The following LAMA1 variants were observed in gnomAD, a reference collection of about 807,000 sequenced individuals.
The protein encoded by LAMA1 is laminin subunit alpha 1.
In LAMA1, 219 loss-of-function variants were observed where a neutral mutation model predicts 348.7. The ratio of observed to expected loss-of-function variants is 0.63; its 90% confidence interval spans 0.56 to 0.70. LAMA1 has a LOEUF of 0.70. Among genes scored for constraint, LAMA1 ranks in the 30% least tolerant of loss-of-function variants. LAMA1 has a pLI of 0.00. For missense variants in LAMA1, 3,744 were observed against 3,888.0 expected (o/e 0.96, Z 0.99); for synonymous variants, 1,487 against 1,491.0 (o/e 1.00, Z 0.06).
chr18:6,984,213 C>T (rs1175613455), intron 39 of LAMA1, among the ~76,000 whole-genome samples: 3 of 152,104 alleles, frequency 2.0e-5, no homozygotes, highest in Admixed American at 1.3e-4. Flanking sequence ...ATAATTTATG[C>T]AATATTCTAT....
chr18:7,104,702 A>G (rs1010886713), intron 1 of LAMA1, among the ~76,000 whole-genome samples: 4 of 152,242 alleles, frequency 2.6e-5, no homozygotes, highest in African/African-American at 9.6e-5. Flanking sequence ...TTCAACAGGG[A>G]TGGCATGACA....
chr18:7,097,277 A>AT (rs1419111151), intron 1 of LAMA1, among the ~76,000 whole-genome samples: 3 of 150,884 alleles, frequency 2.0e-5, no homozygotes, highest in Admixed American at 1.3e-4. Context: ...GAACAAAAAA[A>AT]ATAATAAAAA....
rs187058971 is a variant in LAMA1, at chr18:6,994,300, T to C, written c.4897-548A>G. ...ACTACACAAGACGAGAGCCAGGAAGTCAGCAGCCCAGAGGCTGACACTTAG... is the reference window on the plus strand; with the variant it reads ...ACTACACAAGACGAGAGCCAGGAAGCCAGCAGCCCAGAGGCTGACACTTAG... On this transcript the variant is annotated intron_variant, in intron 34 of 62. Coordinates refer to ENST00000389658, the MANE Select transcript of LAMA1 (RefSeq NM_005559.4). 2.5e-3 allele frequency among the ~76,000 whole-genome samples: 374 copies of C among 152,280 alleles called. 8 individuals are homozygous for C. Among genetic ancestry groups the C allele is most frequent in the South Asian group, 0.018 (89 of 4,822 alleles).
chr18:6,957,727 C>T (rs1009035712), intron 55 of LAMA1, among the ~76,000 whole-genome samples: 5 of 152,170 alleles, frequency 3.3e-5, no homozygotes, highest in African/African-American at 1.2e-4. Flanking sequence ...TGCTCATGGG[C>T]ACATGTCAGT....
At position 6,945,760 on chromosome 18, in the gene LAMA1, G is replaced by A. The variant is rs543021400; in HGVS notation, c.8844+1403C>T. On this transcript the variant is annotated intron_variant, in intron 61 of 62. Transcript: ENST00000389658. ...AGGATGAGAAGCCTGAGCTGAAATG[G>A]ACGCTGGCCAAACTCTCCAGGAGCA... 2.0e-5 allele frequency among the ~76,000 whole-genome samples: 3 copies of A among 152,158 alleles called. No individual in the cohort carries two copies. In the South Asian group the frequency reaches 6.2e-4, roughly 32 times the overall value.
chr18:6,970,802 G>A (rs1217705735), intron 48 of LAMA1, among the ~76,000 whole-genome samples: 6 of 151,980 alleles, frequency 3.9e-5, no homozygotes, highest in South Asian at 2.1e-4. Flanking sequence ...TAATAGAGAC[G>A]GAGTTTCACC....
intron 57 of LAMA1, among the ~76,000 whole-genome samples, chr18:6,952,641 AATAATAC>A (rs1313585319): frequency 6.6e-6 from 1 of 152,236 alleles, no homozygotes; most frequent in African/African-American, 2.4e-5. Context: ...TCTGGAAATA[AATAATAC>A]ATAAGTTTTA....
chr18:7,113,814 C>A (rs898933848), intron 1 of LAMA1, among the ~76,000 whole-genome samples: 1 of 152,118 alleles, frequency 6.6e-6, no homozygotes, highest in Non-Finnish European at 1.5e-5. Context: ...CAGTGGCTCA[C>A]TCCTGTAATA....
intron 3 of LAMA1, among the ~76,000 whole-genome samples, chr18:7,059,306 T>C (rs947348223): frequency 1.2e-4 from 19 of 152,186 alleles, no homozygotes; most frequent in African/African-American, 4.3e-4. Flanking sequence ...TGAACACAAA[T>C]TGATGATGCA....
chr18:7,080,591 A>G (rs2058189441), intron 1 of LAMA1, 134 bp from the exon 2 acceptor site: 2 of 909,006 alleles, frequency 2.2e-6, no homozygotes. Flanking sequence ...TTACACAAAC[A>G]CCGTATACGC....
At chr18:6,979,767 C>A (rs561376009) in intron 42 of LAMA1, among the ~76,000 whole-genome samples, 27 of 151,822 alleles carry the variant, frequency 1.8e-4, no homozygotes, top group Non-Finnish European at 3.1e-4. Context: ...GGGACGGTGG[C>A]GGGCGCCTGT....
At chr18:7,011,006 G>A (rs1011170711) in intron 25 of LAMA1, among the ~76,000 whole-genome samples, 1 of 152,174 alleles carries the variant, frequency 6.6e-6, no homozygotes, top group Non-Finnish European at 1.5e-5. Flanking sequence ...CCCCTAGAAT[G>A]TCTCTCCATT....
chr18:6,955,738 A>G lies in LAMA1; in HGVS notation c.8095-273T>C. 3 of 532,224 alleles carry G rather than the reference A, an allele frequency of 5.6e-6. 1 individual carries two copies. Among genetic ancestry groups the G allele is most frequent in the South Asian group, 5.5e-5 (3 of 54,948 alleles). The allele number at this position is 532,224 out of a possible 1,614,324, so 33.0% of individuals were successfully genotyped here. On this transcript the variant is annotated intron_variant, in intron 56 of 62. Coordinates refer to ENST00000389658, the MANE Select transcript of LAMA1 (RefSeq NM_005559.4). ...AAGGACACTGAAGTCTCTCCTACAA[A>G]TTTTCATCAGGCTTAAGGGGCAAAG...
chr18:7,083,416 C>T (rs1004099909), intron 1 of LAMA1, among the ~76,000 whole-genome samples: 1 of 151,824 alleles, frequency 6.6e-6, no homozygotes, highest in African/African-American at 2.4e-5. Context: ...GATCTTCTGA[C>T]CTCAAGTGCT....
chr18:7,031,076 C>A (rs1391473666), intron 16 of LAMA1, among the ~76,000 whole-genome samples: 1 of 152,128 alleles, frequency 6.6e-6, no homozygotes, highest in Non-Finnish European at 1.5e-5. Flanking sequence ...AAATTAAGTT[C>A]TAAGCCATCC....
At chr18:7,073,996 G>A (rs1416732060) in intron 3 of LAMA1, among the ~76,000 whole-genome samples, 14 of 152,070 alleles carry the variant, frequency 9.2e-5, no homozygotes, top group Admixed American at 2.0e-4. Flanking sequence ...CACCACGCCC[G>A]GCTAATTTTT....
At chr18:6,953,770 G>T (rs1245350829) in intron 57 of LAMA1, 2 of 152,306 alleles carry the variant, frequency 1.3e-5, no homozygotes, top group East Asian at 3.8e-4. Flanking sequence ...CAGCACAATA[G>T]TTTGCTGCTC....
Position 7,010,492 on chromosome 18 carries a change from C to T in LAMA1, c.3688-107G>A, listed in dbSNP as rs957271404. 3.8e-6 allele frequency: 4 copies of T among 1,046,752 alleles called. No individual in the cohort carries two copies. The African/African-American group carries it at 4.7e-5, about 12-fold the overall frequency. The allele number at this position is 1,046,752 out of a possible 1,614,324, so 64.8% of individuals were successfully genotyped here. On this transcript the variant is annotated intron_variant, in intron 25 of 62. Coordinates refer to ENST00000389658, the MANE Select transcript of LAMA1 (RefSeq NM_005559.4). ...AGAGAAATCTTGTATCTTAAAAATA[C>T]ATCACATGGGTGAAATTTGTTGTCT...
intron 1 of LAMA1, among the ~76,000 whole-genome samples, chr18:7,086,873 C>T (rs1001776979): frequency 6.6e-6 from 1 of 152,066 alleles, no homozygotes; most frequent in Non-Finnish European, 1.5e-5. Context: ...TTCTGAGATG[C>T]TGTGATTCTT....
Sources: gnomAD v4.1 joint callset for allele counts (sites outside exome capture counted in the v4.1 genomes callset) on GRCh38, gnomAD v4.1.1 for gene constraint, MANE v1.5 for transcripts, NCBI Gene and HGNC (gene_info 2026-07-23, HGNC 2026-07-21) for gene names.